AIG1: variants seen among roughly 807,000 people sequenced by gnomAD.
The protein encoded by AIG1 is androgen-induced gene 1 protein.
Under a neutral mutation model 31.4 loss-of-function variants are expected in AIG1, and 23 were observed. That is an observed-to-expected ratio of 0.73 (90% CI 0.53 to 1.04). The LOEUF (loss-of-function observed/expected upper bound fraction) is 1.04. Among genes scored for constraint, AIG1 ranks in the 50% least tolerant of loss-of-function variants. The probability of loss-of-function intolerance (pLI) is 0.00; values close to 1 mark genes in which losing one functional copy is unlikely to be tolerated. For synonymous variants in AIG1, 100 were observed against 110.5 expected (o/e 0.90, Z 0.60); for missense variants, 274 against 295.0 (o/e 0.93, Z 0.52).
At chr6:143,110,319 A>G (rs1029837966) in intron 1 of AIG1, among the ~76,000 whole-genome samples, 2 of 152,162 alleles carry the variant, frequency 1.3e-5, no homozygotes, top group African/African-American at 4.8e-5. Flanking sequence ...TTGCATTTCC[A>G]TGTAATTTTA....
chr6:143,304,587 T>C (rs1363580970), intron 4 of AIG1, among the ~76,000 whole-genome samples: 1 of 152,154 alleles, frequency 6.6e-6, no homozygotes, highest in Non-Finnish European at 1.5e-5. Flanking sequence ...CACTTGATCA[T>C]GGTTGATAAG....
intron 1 of AIG1, among the ~76,000 whole-genome samples, chr6:143,073,862 A>G (rs1452388218): frequency 6.6e-6 from 1 of 152,216 alleles, no homozygotes; most frequent in Non-Finnish European, 1.5e-5. Context: ...AAGGACAGCA[A>G]CAGGGATGGT....
chr6:143,169,020 A>G (rs1787238095), intron 3 of AIG1, among the ~76,000 whole-genome samples: 1 of 151,378 alleles, frequency 6.6e-6, no homozygotes, highest in African/African-American at 2.4e-5. Context: ...ATATTCATAT[A>G]TTAAATATTT....
chr6:143,219,868 G>C (rs948999455), intron 3 of AIG1, among the ~76,000 whole-genome samples: 1 of 152,202 alleles, frequency 6.6e-6, no homozygotes, highest in Admixed American at 6.5e-5. Flanking sequence ...GGTGTCACCA[G>C]ACAGGGAAGC....
At chr6:143,337,758 A>G (rs1777616173) in intron 5 of AIG1, among the ~76,000 whole-genome samples, 1 of 152,044 alleles carries the variant, frequency 6.6e-6, no homozygotes, top group South Asian at 2.1e-4. Flanking sequence ...AGGTCTAGCG[A>G]TGTCCCAGCA....
At chr6:143,224,095 A>T (rs1792747611) in intron 3 of AIG1, among the ~76,000 whole-genome samples, 1 of 151,998 alleles carries the variant, frequency 6.6e-6, no homozygotes, top group African/African-American at 2.4e-5. Flanking sequence ...GTGCTTGGTG[A>T]TGTCATCCGG....
intron 4 of AIG1, among the ~76,000 whole-genome samples, chr6:143,301,455 C>G (rs1016023282): frequency 4.6e-5 from 7 of 152,186 alleles, no homozygotes; most frequent in African/African-American, 1.4e-4. Flanking sequence ...GGTGTTGGGC[C>G]ATTCTCACGC....
chr6:143,064,086 G>A (rs902126181), intron 1 of AIG1, among the ~76,000 whole-genome samples: 5 of 152,190 alleles, frequency 3.3e-5, no homozygotes, highest in Admixed American at 3.3e-4. Flanking sequence ...GGTGTGGTAG[G>A]CAGAATAATG....
At chr6:143,249,819 G>T (rs957655908) in intron 3 of AIG1, among the ~76,000 whole-genome samples, 1 of 152,150 alleles carries the variant, frequency 6.6e-6, no homozygotes, top group African/African-American at 2.4e-5. Flanking sequence ...GAATGTGATT[G>T]GGGTCACCAG....
chr6:143,148,032 T>C (rs79421274), intron 2 of AIG1, among the ~76,000 whole-genome samples: 103 of 152,284 alleles, frequency 6.8e-4, no homozygotes, highest in African/African-American at 2.4e-3. Flanking sequence ...ATTTTATAGC[T>C]TGCCTGCTTG....
chr6:143,248,294 G>T (rs558661902), intron 3 of AIG1, among the ~76,000 whole-genome samples: 2 of 152,154 alleles, frequency 1.3e-5, no homozygotes, highest in African/African-American at 4.8e-5. Flanking sequence ...AGGGTTTGCC[G>T]CTGTTTGCAT....
intron 1 of AIG1, among the ~76,000 whole-genome samples, chr6:143,063,828 T>C (rs3827797): frequency 0.25 from 38,101 of 152,140 alleles, 6,833 homozygotes; most frequent in African/African-American, 0.47. Flanking sequence ...TCTCAGGCTC[T>C]ATGCATCCAG....
At chr6:143,264,686 A>G (rs768262501) in intron 3 of AIG1, among the ~76,000 whole-genome samples, 1 of 152,232 alleles carries the variant, frequency 6.6e-6, no homozygotes, top group Non-Finnish European at 1.5e-5. Context: ...TGGTCTCCCC[A>G]TGCTAGGATT....
chr6:143,252,329 CA>C (rs1795066294), intron 3 of AIG1, among the ~76,000 whole-genome samples: 1 of 152,082 alleles, frequency 6.6e-6, no homozygotes, highest in Middle Eastern at 3.2e-3. Flanking sequence ...CCATGTTGGC[CA>C]GGCTGGTCTC....
chr6:143,300,574 A>G (rs1583791068), intron 4 of AIG1, among the ~76,000 whole-genome samples: 2 of 152,214 alleles, frequency 1.3e-5, no homozygotes, highest in South Asian at 4.1e-4. Context: ...AAAAAATTAA[A>G]AACTACTAGT....
At position 143,331,872 on chromosome 6, in the gene AIG1, T is replaced by TATTATG. The variant is rs1250481196; in HGVS notation, c.516-1405_516-1404insGATTAT. On this transcript the variant is annotated intron_variant, in intron 4 of 5. Coordinates refer to ENST00000357847, the MANE Select transcript of AIG1 (RefSeq NM_016108.4). This position sits in a 1 kb window ranked among gnomAD's most constrained non-coding sequence, Gnocchi z 4.1. Reference sequence around the variant, plus strand: ...TTATTATTATTATTATTATTATTATTATTATTATTATTATTTTGAGACCAA... The same window carrying TATTATG: ...TTATTATTATTATTATTATTATTATTATTATGATTATTATTATTATTTTGAGACCAA... Among the ~76,000 whole-genome samples the TATTATG allele has an allele frequency of 6.8e-6, 1 of 147,642 alleles. No homozygotes were observed. The highest frequency in any genetic ancestry group is 2.0e-4 in the East Asian group (1 of 5,084).
At chr6:143,335,380 A>T in intron 5 of AIG1, 1 of 209,826 alleles carries the variant, frequency 4.8e-6, no homozygotes, top group Non-Finnish European at 9.4e-6. Context: ...AAAAATACAA[A>T]AATTAGCCAG....
intron 3 of AIG1, among the ~76,000 whole-genome samples, chr6:143,246,718 A>G (rs1443536853): frequency 1.3e-5 from 2 of 152,226 alleles, no homozygotes; most frequent in East Asian, 3.8e-4. Flanking sequence ...TGTGTTTTAC[A>G]TATAAAAACT....
At chr6:143,168,431 C>T (rs1243550089) in intron 3 of AIG1, among the ~76,000 whole-genome samples, 3 of 143,206 alleles carry the variant, frequency 2.1e-5, no homozygotes, top group African/African-American at 7.8e-5. Context: ...CAACAGGCCC[C>T]AGTGTGTGAT....
Sources: gnomAD v4.1 joint callset for allele counts (sites outside exome capture counted in the v4.1 genomes callset) on GRCh38, gnomAD v4.1.1 for gene constraint, Gnocchi (gnomAD v3.1) non-coding constraint, MANE v1.5 for transcripts, NCBI Gene and HGNC (gene_info 2026-07-23, HGNC 2026-07-21) for gene names.